The following PIK3C2G variants were observed in gnomAD, a reference collection of about 807,000 sequenced individuals.
PIK3C2G encodes the protein phosphatidylinositol-4-phosphate 3-kinase catalytic subunit type 2 gamma.
In PIK3C2G, 168 loss-of-function variants were observed where a neutral mutation model predicts 181.1. That is an observed-to-expected ratio of 0.93 (90% CI 0.82 to 1.05). The LOEUF is 1.05. Ranked by LOEUF, PIK3C2G falls within the 50% of genes least tolerant of loss-of-function variation. PIK3C2G has a pLI of 0.00. For synonymous variants in PIK3C2G, 573 were observed against 592.2 expected, an observed-to-expected ratio of 0.97 and a Z score of 0.47; for missense variants, 1,869 against 1,732.8, an observed-to-expected ratio of 1.08 and a Z score of -1.40.
intron 31 of PIK3C2G, among the ~76,000 whole-genome samples, chr12:18,628,745 G>A (rs73070249): frequency 0.03 from 4,631 of 152,168 alleles, 79 homozygotes; most frequent in Middle Eastern, 0.061. Context: ...CAAGTAGTGG[G>A]ACACCTTTTT....
At chr12:18,581,003 C>T (rs1946471450) in intron 29 of PIK3C2G, among the ~76,000 whole-genome samples, 1 of 152,264 alleles carries the variant, frequency 6.6e-6, no homozygotes, top group East Asian at 1.9e-4. Context: ...TATTACATTA[C>T]TTCTGGCCTT....
chr12:18,560,399 A>G (rs1195700622), intron 26 of PIK3C2G, among the ~76,000 whole-genome samples: 1 of 152,192 alleles, frequency 6.6e-6, no homozygotes, highest in Non-Finnish European at 1.5e-5. Flanking sequence ...GATAAAAGAA[A>G]TGAAGAAAAT....
In PIK3C2G at chr12:18,607,783, T is replaced by A. The variant is rs536000531; in HGVS notation, c.4088-1752T>A. 9.4e-3 allele frequency among the ~76,000 whole-genome samples: 1,424 copies of A among 151,892 alleles called. 8 individuals are homozygous for A. Among genetic ancestry groups the A allele is most frequent in the Non-Finnish European group, 0.015 (1,030 of 67,960 alleles). Reference sequence around the variant, plus strand: ...AGGCAACCTACAGAATGGGAGAAAATTTTTGCAATCTACTCATCTGACAAA... The same window carrying A: ...AGGCAACCTACAGAATGGGAGAAAAATTTTGCAATCTACTCATCTGACAAA... On this transcript the variant is annotated intron_variant, in intron 30 of 32. Transcript: ENST00000538779.
At chr12:18,501,254 C>CT (rs1303629433) in intron 22 of PIK3C2G, among the ~76,000 whole-genome samples, 2 of 152,084 alleles carry the variant, frequency 1.3e-5, no homozygotes, top group African/African-American at 4.8e-5. Flanking sequence ...CCTCAGGAAA[C>CT]TTATATTCAT....
chr12:18,580,658 A>G (rs1204791052), intron 29 of PIK3C2G, among the ~76,000 whole-genome samples: 1 of 152,194 alleles, frequency 6.6e-6, no homozygotes, highest in Non-Finnish European at 1.5e-5. Context: ...TTAAAAGTTC[A>G]CTATTCTTCA....
the PIK3C2G span, among the ~76,000 whole-genome samples, chr12:18,695,344 T>C: frequency 6.6e-6 from 1 of 152,088 alleles, no homozygotes; most frequent in Non-Finnish European, 1.5e-5. Context: ...CCAGTACAGA[T>C]TACAGAATAA....
the PIK3C2G span, among the ~76,000 whole-genome samples, chr12:18,722,764 T>G: frequency 6.6e-6 from 1 of 152,068 alleles, no homozygotes; most frequent in Non-Finnish European, 1.5e-5. Context: ...AATCACTATG[T>G]GTTCAAAAAT....
At chr12:18,656,626 C>T in the PIK3C2G span, among the ~76,000 whole-genome samples, 1 of 152,148 alleles carries the variant, frequency 6.6e-6, no homozygotes, top group African/African-American at 2.4e-5. Context: ...GTCCCAGCTA[C>T]TTGGGAAGCT....
chr12:18,366,391 G>T (rs770794466), intron 12 of PIK3C2G, among the ~76,000 whole-genome samples: 1 of 152,100 alleles, frequency 6.6e-6, no homozygotes, highest in African/African-American at 2.4e-5. Context: ...AAATTAGCCA[G>T]GCGTGGTGGC....
rs375386705 is a variant in PIK3C2G at position 18,338,419 on chromosome 12, T to C, written c.1273-7T>C. ...AGATTGTAAGATGTGAATCTTGTTA[T>C]CTACAGGAAAACGTGTATAATATTA... On this transcript the variant is annotated splice_region_variant and splice_polypyrimidine_tract_variant and intron_variant, in intron 8 of 32. Coordinates refer to ENST00000538779, the MANE Select transcript of PIK3C2G (RefSeq NM_001288772.2). The C allele has an allele frequency of 4.5e-5, 70 of 1,543,918 alleles. No individual in the cohort carries two copies. Among genetic ancestry groups the C allele is most frequent in the Non-Finnish European group, 6.2e-5 (70 of 1,126,810 alleles).
At chr12:18,473,722 ATTG>A (rs1938686061) in intron 18 of PIK3C2G, among the ~76,000 whole-genome samples, 1 of 152,130 alleles carries the variant, frequency 6.6e-6, no homozygotes, top group Non-Finnish European at 1.5e-5. Flanking sequence ...AATTACTGCT[ATTG>A]TTGTTATGAT....
At chr12:18,688,180 T>C in the PIK3C2G span, 1 of 1,611,118 alleles carries the variant, frequency 6.2e-7, no homozygotes, top group Non-Finnish European at 8.5e-7. Context: ...CTTTGTTAGA[T>C]GATGAATGAG....
intron 16 of PIK3C2G, among the ~76,000 whole-genome samples, chr12:18,411,103 G>A (rs1944844947): frequency 1.3e-5 from 2 of 151,962 alleles, no homozygotes; most frequent in South Asian, 4.2e-4. Context: ...CAATGTCCCA[G>A]TCCAGTTAGA....
At chr12:18,378,525 AT>A (rs1294021621) in intron 13 of PIK3C2G, among the ~76,000 whole-genome samples, 1 of 152,226 alleles carries the variant, frequency 6.6e-6, no homozygotes, top group Non-Finnish European at 1.5e-5. Context: ...ATGGGATCTA[AT>A]TAAACTAAAG....
At chr12:18,580,031 G>T (rs1946416361) in intron 29 of PIK3C2G, among the ~76,000 whole-genome samples, 1 of 151,940 alleles carries the variant, frequency 6.6e-6, no homozygotes, top group South Asian at 2.1e-4. Flanking sequence ...TACTTGGGAG[G>T]CTGAGGCAGG....
the PIK3C2G span, among the ~76,000 whole-genome samples, chr12:18,705,845 G>A: frequency 1.3e-5 from 2 of 151,834 alleles, no homozygotes; most frequent in South Asian, 2.1e-4. Flanking sequence ...CAGCCTGGGT[G>A]ACAGAGCAAG....
At chr12:18,485,427 A>C (rs570112781) in intron 18 of PIK3C2G, among the ~76,000 whole-genome samples, 16 of 152,238 alleles carry the variant, frequency 1.1e-4, no homozygotes, top group African/African-American at 3.9e-4. Context: ...AAATACCTCC[A>C]TGACATCCTA....
chr12:18,248,502 C>T (rs1948064654), intron 1 of PIK3C2G, among the ~76,000 whole-genome samples: 1 of 152,038 alleles, frequency 6.6e-6, no homozygotes, highest in South Asian at 2.1e-4. Context: ...GAACCCGGGG[C>T]GGAGCCTGCA....
At chr12:18,677,535 AAAATGT>A in the PIK3C2G span, among the ~76,000 whole-genome samples, 1 of 152,016 alleles carries the variant, frequency 6.6e-6, no homozygotes, top group Non-Finnish European at 1.5e-5. Flanking sequence ...TTCGTCTCTT[AAAATGT>A]CCCCTATGCT....
Sources: gnomAD v4.1 joint callset for allele counts (sites outside exome capture counted in the v4.1 genomes callset) on GRCh38, gnomAD v4.1.1 for gene constraint, MANE v1.5 for transcripts, NCBI Gene and HGNC (gene_info 2026-07-23, HGNC 2026-07-21) for gene names.